UBE2W: variants seen among roughly 807,000 people sequenced by gnomAD.
UBE2W encodes the protein ubiquitin-conjugating enzyme E2 W.
Under a neutral mutation model 27.2 loss-of-function variants are expected in UBE2W, and 18 were observed. That is an observed-to-expected ratio of 0.66 (90% CI 0.46 to 0.98). UBE2W has a LOEUF of 0.98. Among genes scored for constraint, UBE2W ranks in the 50% least tolerant of loss-of-function variants. UBE2W has a pLI of 0.00. For synonymous variants in UBE2W, 53 were observed against 57.2 expected, an observed-to-expected ratio of 0.93 and a Z score of 0.33; for missense variants, 90 against 180.2, an observed-to-expected ratio of 0.50 and a Z score of 2.87.
chr8:73,801,966 T>C (rs1001710922), intron 5 of UBE2W, among the ~76,000 whole-genome samples: 2 of 152,008 alleles, frequency 1.3e-5, no homozygotes, highest in South Asian at 4.2e-4. Context: ...AAGAGAGGAG[T>C]TGTGTGTGTA....
rs1206960104 is a variant in UBE2W, at chr8:73,878,809, T to C, written c.14A>G (p.Gln5Arg). 1 of 1,550,700 alleles carries C rather than the reference T, an allele frequency of 6.4e-7. No homozygotes were observed. The highest frequency in any genetic ancestry group is 8.7e-7 in the Non-Finnish European group (1 of 1,146,442). ...CCAGATGCAGCAAACTCCTCTCACC[T>C]GCATTGACGCCATGATGGAACCATC... Reference protein sequence around the residue: MASMQKRLQKELLAL... With the variant: MASMRKRLQKELLAL... The change falls in exon 1 of 6, where the codon CAG (glutamine) becomes CGG (arginine). Residue 5 changes from glutamine to arginine, a missense_variant and splice_region_variant. Gln to Arg is a conservative substitution (Grantham distance 43). Coordinates refer to ENST00000602593, the MANE Select transcript of UBE2W (RefSeq NM_018299.6).
Position 73,876,545 on chromosome 8 carries a change from G to A in UBE2W, c.15+2263C>T, listed in dbSNP as rs115495110. 7.1e-3 allele frequency among the ~76,000 whole-genome samples: 1,077 copies of A among 152,304 alleles called. 11 individuals are homozygous for A. The highest frequency in any genetic ancestry group is 0.024 in the African/African-American group (980 of 41,556). ...ACCAGAAAACACAGAAGAATAGAGA[G>A]TGATAAGATTTCGATGGAACAAGGT... On this transcript the variant is annotated intron_variant, in intron 1 of 5. Transcript: ENST00000602593.
At chr8:73,849,512 C>CAAAAAAAAA (rs71269951) in intron 1 of UBE2W, among the ~76,000 whole-genome samples, 18 of 22,778 alleles carry the variant, frequency 7.9e-4, no homozygotes, top group East Asian at 3.4e-3. Context: ...AACTCCATCT[C>CAAAAAAAAA]AAAAAAAAAA....
At chr8:73,782,944 T>C (rs1399928827), downstream of UBE2W, among the ~76,000 whole-genome samples, 4 of 152,234 alleles carry the variant, frequency 2.6e-5, no homozygotes, top group Non-Finnish European at 4.4e-5. Context: ...GTATGGTCAA[T>C]GCAGTGGGTG....
intron 1 of UBE2W, among the ~76,000 whole-genome samples, chr8:73,844,841 C>T (rs1810707265): frequency 6.6e-6 from 1 of 151,784 alleles, no homozygotes; most frequent in African/African-American, 2.4e-5. Context: ...CCGCCGCCAC[C>T]CCGTCTGGGA....
intron 1 of UBE2W, among the ~76,000 whole-genome samples, chr8:73,867,892 A>T (rs958513368): frequency 6.6e-6 from 1 of 152,162 alleles, no homozygotes; most frequent in Non-Finnish European, 1.5e-5. Flanking sequence ...CCACCATAAT[A>T]AACACTGGCC....
At chr8:73,805,769 C>CT in intron 4 of UBE2W, 43 bp from the exon 5 acceptor site, 1 of 1,190,430 alleles carries the variant, frequency 8.4e-7, no homozygotes, top group Non-Finnish European at 1.2e-6. Flanking sequence ...AACAGAAAAA[C>CT]TGAGAGGGTG....
intron 1 of UBE2W, among the ~76,000 whole-genome samples, chr8:73,869,622 C>G (rs544054932): frequency 6.6e-6 from 1 of 151,932 alleles, no homozygotes; most frequent in African/African-American, 2.4e-5. Flanking sequence ...ACCTGGGAGA[C>G]GGAGGTTGCA....
chr8:73,787,914 T>C lies in UBE2W; in HGVS notation c.*6188A>G. The C allele has an allele frequency of 6.1e-6, 6 of 985,432 alleles. No homozygotes were observed. The South Asian group carries it at 1.4e-4, about 23-fold the overall frequency. The allele number at this position is 985,432 out of a possible 1,614,324, so 61.0% of individuals were successfully genotyped here. Reference sequence around the variant, plus strand: ...GACTTATTAAAACACTAAAACTAGCTACATATTACATAAAGGTGATGTGTT... The same window carrying C: ...GACTTATTAAAACACTAAAACTAGCCACATATTACATAAAGGTGATGTGTT... On this transcript the variant is annotated 3_prime_UTR_variant, in exon 6 of 6. Transcript: ENST00000602593.
At chr8:73,861,202 TACTGACAGAATCTCC>T (rs1161266278) in intron 1 of UBE2W, among the ~76,000 whole-genome samples, 1 of 152,110 alleles carries the variant, frequency 6.6e-6, no homozygotes, top group East Asian at 1.9e-4. Flanking sequence ...AAGTAAAGGA[TACTGACAGAATCTCC>T]ACATATGCAG....
At position 73,793,136 on chromosome 8, in the gene UBE2W, T is replaced by C. The variant is rs1398023407; in HGVS notation, c.*966A>G. The C allele has an allele frequency of 1.0e-6, 1 of 985,712 alleles. No homozygotes were observed. The highest frequency in any genetic ancestry group is 1.7e-5 in the African/African-American group (1 of 57,230). The allele number at this position is 985,712 out of a possible 1,614,324, so 61.1% of individuals were successfully genotyped here. Reference sequence around the variant, plus strand: ...AAAGAAACAAGATTGCAAACAAAAATGTTTACGGGGTTTCCAAACATAAAT... The same window carrying C: ...AAAGAAACAAGATTGCAAACAAAAACGTTTACGGGGTTTCCAAACATAAAT... On this transcript the variant is annotated 3_prime_UTR_variant, in exon 6 of 6. Coordinates refer to ENST00000602593, the MANE Select transcript of UBE2W (RefSeq NM_018299.6).
At chr8:73,844,880 C>G (rs989212659) in intron 1 of UBE2W, among the ~76,000 whole-genome samples, 2 of 151,478 alleles carry the variant, frequency 1.3e-5, no homozygotes, top group African/African-American at 4.8e-5. Flanking sequence ...CGGGCCACCC[C>G]GTCTGAGAAG....
In UBE2W at chr8:73,866,626, T is replaced by G. The variant is rs76321646; in HGVS notation, c.15+12182A>C. ...AAAAAAACTTAGATGCAAATCTCCA[T>G]CACCCCCTGGATTAGGCAATGATTT... On this transcript the variant is annotated intron_variant, in intron 1 of 5. Coordinates refer to ENST00000602593, the MANE Select transcript of UBE2W (RefSeq NM_018299.6). 4.3e-3 allele frequency among the ~76,000 whole-genome samples: 649 copies of G among 152,120 alleles called. 6 individuals carry two copies. Among genetic ancestry groups the G allele is most frequent in the African/African-American group, 0.015 (623 of 41,506 alleles).
intron 1 of UBE2W, among the ~76,000 whole-genome samples, chr8:73,842,037 CAACCAGCAGA>C (rs1298612610): frequency 6.6e-6 from 1 of 152,168 alleles, no homozygotes; most frequent in Non-Finnish European, 1.5e-5. Flanking sequence ...GGCCTCAAAG[CAACCAGCAGA>C]AACGAACACA....
chr8:73,866,198 G>T (rs1275627556), intron 1 of UBE2W, among the ~76,000 whole-genome samples: 1 of 149,534 alleles, frequency 6.7e-6, no homozygotes, highest in Non-Finnish European at 1.5e-5. Flanking sequence ...TTGAACCCGG[G>T]GGGTGGAGGT....
chr8:73,812,687 T>G (rs1809198418), intron 3 of UBE2W, among the ~76,000 whole-genome samples: 1 of 151,658 alleles, frequency 6.6e-6, no homozygotes, highest in African/African-American at 2.4e-5. Flanking sequence ...TACCCAAGAG[T>G]TTCTTCTTTG....
chr8:73,858,879 C>CGTGT (rs5892434), intron 1 of UBE2W, among the ~76,000 whole-genome samples: 101 of 141,814 alleles, frequency 7.1e-4, no homozygotes, highest in South Asian at 4.1e-3. Flanking sequence ...TTTTTGCGTG[C>CGTGT]GTGTGTGTGT....
chr8:73,788,218 A>G lies in UBE2W; in HGVS notation c.*5884T>C. On this transcript the variant is annotated 3_prime_UTR_variant, in exon 6 of 6. Transcript: ENST00000602593. ...ACTAACAAGTCTGATACATGTATTAAAAAATATATAACATAGATTTGTCTG... is the reference window on the plus strand; with the variant it reads ...ACTAACAAGTCTGATACATGTATTAGAAAATATATAACATAGATTTGTCTG... 1.1e-6 allele frequency: 1 copy of G among 941,848 alleles called. No individual in the cohort carries two copies. The highest frequency in any genetic ancestry group is 1.3e-6 in the Non-Finnish European group (1 of 790,476). 58.3% of individuals were successfully genotyped at this position (941,848 alleles called of 1,614,324 possible).
intron 1 of UBE2W, among the ~76,000 whole-genome samples, chr8:73,854,710 C>T (rs547325644): frequency 6.6e-6 from 1 of 152,094 alleles, no homozygotes. Flanking sequence ...ATACAGTTAA[C>T]CCTTGAATAA....
Sources: allele counts gnomAD v4.1 joint callset (sites outside exome capture counted in the v4.1 genomes callset), GRCh38; gene constraint gnomAD v4.1.1; transcripts MANE v1.5; gene names NCBI Gene and HGNC (gene_info 2026-07-23, HGNC 2026-07-21).